MFN2: variants seen among roughly 807,000 people sequenced by gnomAD.
MFN2 encodes the protein mitofusin 2, also known as mitofusin-2.
Under a neutral mutation model 87.5 loss-of-function variants are expected in MFN2, and 43 were observed. The observed-to-expected ratio is 0.49, with a 90% CI of 0.38 to 0.63. The LOEUF (loss-of-function observed/expected upper bound fraction) is 0.63. MFN2 is among the 30% of genes least tolerant of loss of function. The pLI is 0.00. For synonymous variants in MFN2, 337 were observed against 359.9 expected (o/e 0.94, Z 0.72); for missense variants, 743 against 972.8 (o/e 0.76, Z 3.14).
In MFN2 at chr1:12,003,895, A is replaced by T; in HGVS notation, c.1161-97A>T. ...CGTGTGTGCAGCCCTGCCAGGCAAGATAGCGGGCAGGGCGGCGTGGGATTT... is the reference window on the plus strand; with the variant it reads ...CGTGTGTGCAGCCCTGCCAGGCAAGTTAGCGGGCAGGGCGGCGTGGGATTT... On this transcript the variant is annotated intron_variant, in intron 11 of 18. Transcript: ENST00000235329. The surrounding 1 kb of genome is among the most constrained non-coding windows in gnomAD (Gnocchi z 4.1). 2 of 1,521,658 alleles carry T rather than the reference A, an allele frequency of 1.3e-6. No individual in the cohort carries two copies. Among genetic ancestry groups the T allele is most frequent in the Admixed American group, 3.4e-5 (2 of 59,666 alleles). The allele number at this position is 1,521,658 out of a possible 1,614,324, so 94.3% of individuals were successfully genotyped here.
chr1:11,987,995 C>G (rs1246294217), intron 2 of MFN2, among the ~76,000 whole-genome samples: 1 of 152,136 alleles, frequency 6.6e-6, no homozygotes, highest in African/African-American at 2.4e-5. Context: ...TTGCTTATCA[C>G]AAAATGATGG....
rs780054024 is a variant in MFN2, at chr1:12,007,040, A to C, written c.1873-13A>C. On this transcript the variant is annotated splice_polypyrimidine_tract_variant and intron_variant, in intron 16 of 18. Transcript: ENST00000235329. ...AGAGAGGCTGCACTCCAGGCTGACC[A>C]TGTGCTCTGCAGGTGTGGAAGGCAG... 1.2e-6 allele frequency: 2 copies of C among 1,612,870 alleles called. No homozygotes were observed. Among genetic ancestry groups the C allele is most frequent in the African/African-American group, 1.3e-5 (1 of 74,874 alleles).
intron 2 of MFN2, among the ~76,000 whole-genome samples, chr1:11,988,898 C>T (rs1638546779): frequency 6.6e-6 from 1 of 152,002 alleles, no homozygotes; most frequent in Non-Finnish European, 1.5e-5. Flanking sequence ...ACGGGGGTTT[C>T]ACCATGTTGG....
chr1:12,006,514 C>T (rs760397507), intron 15 of MFN2, 24 bp from the exon 16 acceptor site: 4 of 1,613,686 alleles, frequency 2.5e-6, no homozygotes, highest in Non-Finnish European at 1.7e-6. Context: ...GTCCCCCTCA[C>T]CCCTCTCATG....
At chr1:11,980,569 A>T in intron 1 of MFN2, 85 bp downstream of exon 1, 3 of 396,916 alleles carry the variant, frequency 7.6e-6, no homozygotes, top group Admixed American at 4.4e-5. Context: ...GGCCGACGGG[A>T]TTCTGGGGCC....
intron 1 of MFN2, 149 bp downstream of exon 1, chr1:11,980,633 G>T: frequency 2.5e-6 from 1 of 395,948 alleles, no homozygotes. Flanking sequence ...CCTCGCCGCC[G>T]GGCCCTCCCC....
chr1:11,998,093 A>G (rs753289339), intron 6 of MFN2, among the ~76,000 whole-genome samples: 44 of 150,452 alleles, frequency 2.9e-4, no homozygotes, highest in Non-Finnish European at 5.0e-4. Flanking sequence ...CATGTTGGCC[A>G]GGCTGGTCTT....
Position 12,003,859 on chromosome 1 carries a change from G to A in MFN2, c.1161-133G>A, listed in dbSNP as rs1394780342. 8.6e-7 allele frequency: 1 copy of A among 1,165,454 alleles called. No homozygotes were observed. Among genetic ancestry groups the A allele is most frequent in the African/African-American group, 1.5e-5 (1 of 66,230 alleles). 72.2% of individuals were successfully genotyped at this position (1,165,454 alleles called of 1,614,324 possible). A position where few individuals can be genotyped will look rare whatever the true frequency, so the allele number is the denominator to read the frequency against. ...TCTTACCTGGGAAGGGGAAGGCCAT[G>A]CCCCTGGGTGCGTGTGTGCAGCCCT... On this transcript the variant is annotated intron_variant, in intron 11 of 18. Coordinates refer to ENST00000235329, the MANE Select transcript of MFN2 (RefSeq NM_014874.4). This position sits in a 1 kb window ranked among gnomAD's most constrained non-coding sequence, Gnocchi z 4.1.
chr1:11,993,715 G>A (rs1340790944), intron 4 of MFN2, among the ~76,000 whole-genome samples: 4 of 145,524 alleles, frequency 2.7e-5, no homozygotes, highest in East Asian at 4.0e-4. Context: ...CAGCCTGGGC[G>A]ACAGTGAGAC....
intron 6 of MFN2, among the ~76,000 whole-genome samples, chr1:11,998,145 G>A (rs1054192795): frequency 7.3e-5 from 11 of 151,424 alleles, no homozygotes; most frequent in Admixed American, 6.6e-4. Flanking sequence ...GCCTCCCAAA[G>A]TGCTGGGATT....
chr1:11,987,923 C>G (rs1638492091), intron 2 of MFN2, among the ~76,000 whole-genome samples: 1 of 152,072 alleles, frequency 6.6e-6, no homozygotes, highest in South Asian at 2.1e-4. Flanking sequence ...TGCACTCCAG[C>G]CCAGGTAACA....
chr1:11,996,782 A>G (rs1365479197), intron 5 of MFN2, among the ~76,000 whole-genome samples: 2 of 152,184 alleles, frequency 1.3e-5, no homozygotes, highest in Non-Finnish European at 2.9e-5. Flanking sequence ...TCACGCCTGT[A>G]ATCCCAGCAC....
In MFN2 at chr1:11,989,257, A is replaced by G. The variant is rs1303507580; in HGVS notation, c.89A>G (p.Lys30Arg). The G allele has an allele frequency of 1.9e-6, 3 of 1,614,080 alleles. No homozygotes were observed. Among genetic ancestry groups the G allele is most frequent in the Non-Finnish European group, 2.5e-6 (3 of 1,180,030 alleles). Residue 30 changes from lysine to arginine, a missense_variant, in exon 3 of 19, where the codon AAG (lysine) becomes AGG (arginine). Physicochemically the swap from Lys to Arg is conservative, Grantham distance 26 (BLOSUM62 2). Around this residue, in one of 3 missense-constraint regions of MFN2, gnomAD observed 141 missense variants for 278.9 expected, o/e 0.51. Coordinates refer to ENST00000235329, the MANE Select transcript of MFN2 (RefSeq NM_014874.4). ...GCTGAGGTGAATGCATCCCCACTTA[A>G]GCACTTTGTCACTGCCAAGAAGAAG... ...HMAEVNASPLKHFVTAKKKIN... is the reference protein window; with the variant it reads ...HMAEVNASPLRHFVTAKKKIN...
At chr1:11,999,404 T>G (rs753014675) in intron 8 of MFN2, among the ~76,000 whole-genome samples, 11 of 152,158 alleles carry the variant, frequency 7.2e-5, no homozygotes, top group Non-Finnish European at 1.2e-4. Flanking sequence ...GGCTCAGCTC[T>G]AGGGAGGCCT....
chr1:12,011,805 A>C lies in MFN2; in HGVS notation c.*240A>C, dbSNP rs1639710785. 2 of 588,330 alleles carry C rather than the reference A, an allele frequency of 3.4e-6. No individual in the cohort carries two copies. Among genetic ancestry groups the C allele is most frequent in the Non-Finnish European group, 3.0e-6 (1 of 329,334 alleles). The allele number at this position is 588,330 out of a possible 1,614,324, so 36.4% of individuals were successfully genotyped here. On this transcript the variant is annotated 3_prime_UTR_variant, in exon 19 of 19. Coordinates refer to ENST00000235329, the MANE Select transcript of MFN2 (RefSeq NM_014874.4). ...GACACTTTCAGCGACAGCTATGGAC[A>C]GCATGGTACCAAGGAGTTAAGTTGA...
At position 12,001,987 on chromosome 1, in the gene MFN2, C is replaced by T. The variant is rs373703832; in HGVS notation, c.1044C>T (p.Cys348=). The T allele has an allele frequency of 1.1e-5, 18 of 1,614,066 alleles. No individual in the cohort carries two copies. Among genetic ancestry groups the T allele is most frequent in the Non-Finnish European group, 1.4e-5 (17 of 1,180,032 alleles). The change falls in exon 11 of 19, where the codon TGC becomes TGT. Residue 348 remains cysteine (C), a synonymous_variant. Coordinates refer to ENST00000235329, the MANE Select transcript of MFN2 (RefSeq NM_014874.4). ...FQNFERRFEE[C]ISQSAVKTKF... is the part of the protein sequence containing the mutation. ...CGTGCCTCTGTGTGTTCCAGGAGTG[C>T]ATCTCCCAGTCTGCAGTGAAGACCA...
intron 4 of MFN2, among the ~76,000 whole-genome samples, chr1:11,995,305 C>T (rs549402322): frequency 2.6e-5 from 4 of 152,032 alleles, no homozygotes; most frequent in African/African-American, 7.2e-5. Context: ...CAAAAAACCC[C>T]ACCAGAATAC....
At chr1:12,001,367 A>G (rs533196175) in intron 8 of MFN2, 34 bp from the exon 9 acceptor site, 3 of 1,611,606 alleles carry the variant, frequency 1.9e-6, no homozygotes, top group African/African-American at 2.7e-5. Flanking sequence ...GGGGCCACCT[A>G]CACTCACTCT....
intron 8 of MFN2, among the ~76,000 whole-genome samples, chr1:12,000,091 C>T (rs1209144095): frequency 2.0e-5 from 2 of 98,048 alleles, no homozygotes; most frequent in African/African-American, 3.8e-5. Context: ...AGTGAGATTC[C>T]GTCTCACAAA....
Sources: allele counts gnomAD v4.1 joint callset (sites outside exome capture counted in the v4.1 genomes callset), GRCh38; gene constraint gnomAD v4.1.1; regional missense constraint gnomAD v4.1.1; non-coding constraint Gnocchi (gnomAD v3.1); transcripts MANE v1.5; gene names NCBI Gene and HGNC (gene_info 2026-07-23, HGNC 2026-07-21).